RAPGEF2: variants seen among roughly 807,000 people sequenced by gnomAD.
RAPGEF2 encodes the protein Rap guanine nucleotide exchange factor 2.
RAPGEF2 carries 54 observed loss-of-function variants against 186.7 expected under a neutral mutation model. The ratio of observed to expected loss-of-function variants is 0.29; its 90% confidence interval spans 0.23 to 0.36. The LOEUF (loss-of-function observed/expected upper bound fraction) is 0.36. Among genes scored for constraint, RAPGEF2 ranks in the 10% least tolerant of loss-of-function variants. The probability of loss-of-function intolerance (pLI) is 1.00; values close to 1 mark genes in which losing one functional copy is unlikely to be tolerated. For synonymous variants in RAPGEF2, 712 were observed against 705.9 expected (o/e 1.01, Z -0.14); for missense variants, 1,532 against 2,045.0 (o/e 0.75, Z 4.84).
chr4:159,147,481 C>A (rs1014694767), intron 1 of RAPGEF2, among the ~76,000 whole-genome samples: 1 of 151,540 alleles, frequency 6.6e-6, no homozygotes, highest in Non-Finnish European at 1.5e-5. Context: ...CAAGGTCATA[C>A]AATATCAAGT....
chr4:159,229,876 T>G (rs1752440106), intron 4 of RAPGEF2, among the ~76,000 whole-genome samples: 1 of 152,224 alleles, frequency 6.6e-6, no homozygotes, highest in Non-Finnish European at 1.5e-5. Flanking sequence ...AAGTGGTCTT[T>G]TCAATAATCA....
intron 1 of RAPGEF2, among the ~76,000 whole-genome samples, chr4:159,168,586 G>T (rs1048783482): frequency 5.3e-5 from 8 of 151,810 alleles, no homozygotes; most frequent in Non-Finnish European, 1.2e-4. Context: ...GTACATTTTG[G>T]CAGAAGACAT....
chr4:159,187,173 TTAAG>T (rs778481551), intron 2 of RAPGEF2, among the ~76,000 whole-genome samples: 7 of 152,240 alleles, frequency 4.6e-5, no homozygotes, highest in Non-Finnish European at 1.0e-4. Context: ...ATATACTTAA[TTAAG>T]TTTTACTTTT....
intron 4 of RAPGEF2, among the ~76,000 whole-genome samples, chr4:159,230,778 A>G (rs948004558): frequency 2.6e-5 from 4 of 152,172 alleles, no homozygotes; most frequent in Non-Finnish European, 5.9e-5. Flanking sequence ...TCACCTCTCA[A>G]TGAAACTCAC....
intron 1 of RAPGEF2, among the ~76,000 whole-genome samples, chr4:159,131,878 G>A (rs1741153941): frequency 6.6e-6 from 1 of 151,926 alleles, no homozygotes; most frequent in African/African-American, 2.4e-5. Flanking sequence ...GGGAACTTTG[G>A]TTCTCTATGC....
At chr4:159,125,575 G>T (rs1579247720) in intron 1 of RAPGEF2, among the ~76,000 whole-genome samples, 1 of 152,024 alleles carries the variant, frequency 6.6e-6, no homozygotes, top group East Asian at 1.9e-4. Flanking sequence ...TGGCTAACAC[G>T]GTGAAACCCC....
chr4:159,263,057 A>C (rs1316234211), intron 7 of RAPGEF2, among the ~76,000 whole-genome samples: 1 of 152,132 alleles, frequency 6.6e-6, no homozygotes, highest in Non-Finnish European at 1.5e-5. Context: ...TTAATAATGA[A>C]CCAGAAGTGC....
chr4:159,131,519 A>ATTGTTTTTTTTTTTTTTTTTTTTTTTTT, intron 1 of RAPGEF2, among the ~76,000 whole-genome samples: 3 of 37,210 alleles, frequency 8.1e-5, no homozygotes, highest in Non-Finnish European at 9.9e-5. Flanking sequence ...ATTAATTGCT[A>ATTGTTTTTTTTTTTTTTTTTTTTTTTTT]TTTTTTTTTT....
intron 25 of RAPGEF2, among the ~76,000 whole-genome samples, chr4:159,348,358 C>A (rs1730701812): frequency 6.6e-6 from 1 of 152,048 alleles, no homozygotes; most frequent in Non-Finnish European, 1.5e-5. Flanking sequence ...ATAACTAAGT[C>A]CCTGCACAGT....
At chr4:159,122,740 T>G (rs1187200777) in intron 1 of RAPGEF2, among the ~76,000 whole-genome samples, 1 of 152,222 alleles carries the variant, frequency 6.6e-6, no homozygotes, top group African/African-American at 2.4e-5. Context: ...AGTGATCTTT[T>G]GTGGATCTAT....
chr4:159,257,133 T>A (rs1401287745), intron 7 of RAPGEF2, among the ~76,000 whole-genome samples: 3 of 152,194 alleles, frequency 2.0e-5, no homozygotes, highest in African/African-American at 7.2e-5. Flanking sequence ...AAACCTTTGC[T>A]CATGCCTGTG....
intron 1 of RAPGEF2, among the ~76,000 whole-genome samples, chr4:159,157,951 G>C (rs1463404315): frequency 6.6e-6 from 1 of 152,138 alleles, no homozygotes. Context: ...GGTAGGGACC[G>C]AGACAGGCAG....
At chr4:159,226,795 A>G (rs946750608) in intron 4 of RAPGEF2, among the ~76,000 whole-genome samples, 2 of 152,196 alleles carry the variant, frequency 1.3e-5, no homozygotes, top group Admixed American at 6.5e-5. Context: ...AGGTTAAGCA[A>G]TATTGCCAGT....
Position 159,331,824 on chromosome 4 carries a change from G to C in RAPGEF2, c.1770G>C (p.Arg590=), listed in dbSNP as rs777903515. The C allele has an allele frequency of 9.3e-6, 15 of 1,613,824 alleles. No homozygotes were observed. In the African/African-American group the frequency reaches 2.0e-4, roughly 22 times the overall value. ...GSKATEAGLK[R]GDQILEVNGQ... ...AAGCAACTGAAGCAGGCTTGAAACG[G>C]GGGGATCAGGTATGCCATTTCTAAA... The change falls in exon 15 of 30, where the codon CGG becomes CGC. Residue 590 remains arginine (R), a synonymous_variant. Transcript: ENST00000691494.
At chr4:159,280,443 A>G (rs184209553) in intron 7 of RAPGEF2, among the ~76,000 whole-genome samples, 61 of 152,312 alleles carry the variant, frequency 4.0e-4, no homozygotes, top group African/African-American at 1.3e-3. Context: ...TAGTGGCACT[A>G]TATTCGGTCT....
At chr4:159,215,356 G>C (rs1317704173) in intron 4 of RAPGEF2, among the ~76,000 whole-genome samples, 2 of 149,992 alleles carry the variant, frequency 1.3e-5, no homozygotes, top group Admixed American at 6.7e-5. Context: ...AAATATTTTG[G>C]GGGAAAGATG....
At chr4:159,315,419 G>A (rs1229457967) in intron 9 of RAPGEF2, among the ~76,000 whole-genome samples, 2 of 151,954 alleles carry the variant, frequency 1.3e-5, no homozygotes, top group Non-Finnish European at 2.9e-5. Context: ...TTTAAGCCTA[G>A]TACCCTGTAG....
At chr4:159,233,845 G>T (rs1044396155) in intron 4 of RAPGEF2, among the ~76,000 whole-genome samples, 1 of 152,098 alleles carries the variant, frequency 6.6e-6, no homozygotes, top group Non-Finnish European at 1.5e-5. Context: ...GACCATTGAT[G>T]TATGAGTTTA....
At chr4:159,126,421 A>C (rs1740302311) in intron 1 of RAPGEF2, among the ~76,000 whole-genome samples, 1 of 152,172 alleles carries the variant, frequency 6.6e-6, no homozygotes, top group African/African-American at 2.4e-5. Context: ...AGTCTCACCA[A>C]CACAACTTAA....
Sources: allele counts gnomAD v4.1 joint callset (sites outside exome capture counted in the v4.1 genomes callset), GRCh38; gene constraint gnomAD v4.1.1; transcripts MANE v1.5; gene names NCBI Gene and HGNC (gene_info 2026-07-23, HGNC 2026-07-21).